Variants in NFIA observed in about 807,000 individuals in gnomAD.
NFIA encodes the protein nuclear factor 1 A-type.
In NFIA, 8 loss-of-function variants were observed where a neutral mutation model predicts 62.8. The observed-to-expected ratio is 0.13, with a 90% CI of 0.07 to 0.23. The LOEUF is 0.23. Among genes scored for constraint, NFIA ranks in the 10% least tolerant of loss-of-function variants. The pLI, the probability that NFIA is intolerant of heterozygous loss-of-function variation, is 1.00. For synonymous variants in NFIA, 235 were observed against 238.1 expected (o/e 0.99, Z 0.12); for missense variants, 410 against 642.1 (o/e 0.64, Z 3.91).
chr1:61,174,143 C>G (rs1476668105), intron 2 of NFIA, among the ~76,000 whole-genome samples: 2 of 152,100 alleles, frequency 1.3e-5, no homozygotes, highest in African/African-American at 4.8e-5. Flanking sequence ...TGTGAGGTGT[C>G]TTGAAGGAAG....
At chr1:61,442,702 T>A (rs908321435) in intron 10 of NFIA, among the ~76,000 whole-genome samples, 3 of 151,618 alleles carry the variant, frequency 2.0e-5, no homozygotes, top group African/African-American at 7.3e-5. Flanking sequence ...GAAGAAAAAA[T>A]ACACAAAAGA....
chr1:61,358,368 T>TTTC (rs1663078094), intron 5 of NFIA, among the ~76,000 whole-genome samples: 5 of 103,638 alleles, frequency 4.8e-5, no homozygotes, highest in Admixed American at 3.8e-4. Context: ...TTTCTTTTCT[T>TTTC]TTCTTTCTTT....
At chr1:61,329,895 C>A (rs932314219) in intron 3 of NFIA, among the ~76,000 whole-genome samples, 5 of 152,118 alleles carry the variant, frequency 3.3e-5, no homozygotes, top group Admixed American at 6.6e-5. Flanking sequence ...AGTTAGGAGG[C>A]TTTCCCACCA....
intron 6 of NFIA, among the ~76,000 whole-genome samples, chr1:61,375,119 T>C (rs1261634402): frequency 1.3e-5 from 2 of 152,222 alleles, no homozygotes; most frequent in Non-Finnish European, 2.9e-5. Context: ...GATAATCTAA[T>C]TACAAGGTAT....
chr1:61,283,221 T>C (rs1016417355), intron 3 of NFIA, among the ~76,000 whole-genome samples: 1 of 152,182 alleles, frequency 6.6e-6, no homozygotes, highest in Admixed American at 6.5e-5. Flanking sequence ...ATTTAACTCA[T>C]TGAATTTTTA....
intron 2 of NFIA, among the ~76,000 whole-genome samples, chr1:61,215,082 A>G (rs1653528205): frequency 6.6e-6 from 1 of 152,180 alleles, no homozygotes; most frequent in Non-Finnish European, 1.5e-5. Flanking sequence ...TTTCTCAGTG[A>G]ATATATTTCT....
At chr1:61,220,594 A>T (rs1197623689) in intron 2 of NFIA, among the ~76,000 whole-genome samples, 1 of 152,216 alleles carries the variant, frequency 6.6e-6, no homozygotes, top group Non-Finnish European at 1.5e-5. Flanking sequence ...ATTTAATTAT[A>T]ATAGTGCCAA....
chr1:61,219,108 T>C (rs938976736), intron 2 of NFIA, among the ~76,000 whole-genome samples: 182 of 151,820 alleles, frequency 1.2e-3, no homozygotes, highest in Admixed American at 3.8e-3. Context: ...GGCGGGCACC[T>C]ATAATCCCAG....
At chr1:61,199,189 GT>G (rs1046384080) in intron 2 of NFIA, among the ~76,000 whole-genome samples, 4 of 152,146 alleles carry the variant, frequency 2.6e-5, no homozygotes, top group Admixed American at 2.6e-4. Context: ...TTGTGAATAT[GT>G]TTAGCTCTTT....
chr1:61,390,199 A>C lies in NFIA; in HGVS notation c.1075+6834A>C, dbSNP rs113039679. 9.4e-3 allele frequency among the ~76,000 whole-genome samples: 1,427 copies of C among 152,344 alleles called. 55 individuals are homozygous for C. Among genetic ancestry groups the C allele is most frequent in the Non-Finnish European group, 8.2e-3 (555 of 68,034 alleles). ...GGAGACCCAACCGCTATTGTCAAAC[A>C]GTTTGCCTTCGCATTATGGGCATGG... On this transcript the variant is annotated intron_variant, in intron 7 of 10. Transcript: ENST00000403491.
chr1:61,134,197 A>C (rs1307216020), intron 2 of NFIA, among the ~76,000 whole-genome samples: 1 of 152,000 alleles, frequency 6.6e-6, no homozygotes. Context: ...TCTGAGGGAT[A>C]CAAAAATGCT....
chr1:61,162,843 T>C (rs1364093855), intron 2 of NFIA, among the ~76,000 whole-genome samples: 2 of 151,230 alleles, frequency 1.3e-5, no homozygotes, highest in Admixed American at 1.3e-4. Flanking sequence ...GCATGTCTAG[T>C]GTTTGCAAAT....
chr1:61,151,424 C>T (rs912421159), intron 2 of NFIA, among the ~76,000 whole-genome samples: 72 of 143,116 alleles, frequency 5.0e-4, no homozygotes, highest in African/African-American at 1.7e-3. Context: ...TAAGGGAAGA[C>T]GATCCAATGT....
At chr1:61,433,774 T>TA (rs979792573) in intron 10 of NFIA, among the ~76,000 whole-genome samples, 10 of 151,926 alleles carry the variant, frequency 6.6e-5, no homozygotes, top group African/African-American at 1.9e-4. Context: ...CTGTATAGGT[T>TA]AAAAAAAACT....
At chr1:61,347,072 A>G (rs1237178647) in intron 4 of NFIA, among the ~76,000 whole-genome samples, 1 of 151,738 alleles carries the variant, frequency 6.6e-6, no homozygotes, top group East Asian at 1.9e-4. Flanking sequence ...TTGGGTGGGG[A>G]CACAGAGCCA....
At chr1:61,307,089 G>A (rs1388676745) in intron 3 of NFIA, among the ~76,000 whole-genome samples, 1 of 152,122 alleles carries the variant, frequency 6.6e-6, no homozygotes, top group East Asian at 1.9e-4. Flanking sequence ...ACTTCTGGGG[G>A]ATGGGAGCAG....
At chr1:61,329,341 C>G (rs952540166) in intron 3 of NFIA, among the ~76,000 whole-genome samples, 4 of 151,526 alleles carry the variant, frequency 2.6e-5, no homozygotes, top group Admixed American at 6.6e-5. Context: ...CCACTGCCCC[C>G]GGCCTGAGCC....
chr1:61,354,248 A>T (rs573609503), intron 5 of NFIA, among the ~76,000 whole-genome samples: 2 of 152,244 alleles, frequency 1.3e-5, no homozygotes, highest in Non-Finnish European at 2.9e-5. Context: ...AGTAGTTAAT[A>T]ACCCGGTAAT....
At chr1:61,083,811 C>T (rs984868404) in intron 1 of NFIA, among the ~76,000 whole-genome samples, 10 of 151,838 alleles carry the variant, frequency 6.6e-5, no homozygotes, top group Non-Finnish European at 1.5e-4. Context: ...CCGGCCGCTC[C>T]GCGCGCAGGA....
Sources: gnomAD v4.1 joint callset for allele counts (sites outside exome capture counted in the v4.1 genomes callset) on GRCh38, gnomAD v4.1.1 for gene constraint, MANE v1.5 for transcripts, NCBI Gene and HGNC (gene_info 2026-07-23, HGNC 2026-07-21) for gene names.